The following PDGFC variants were observed in gnomAD, a reference collection of about 807,000 sequenced individuals.
PDGFC encodes platelet-derived growth factor C.
A neutral mutation model predicts 35.5 loss-of-function variants in PDGFC; 12 were observed. That is an observed-to-expected ratio of 0.34 (90% CI 0.22 to 0.55). The LOEUF (loss-of-function observed/expected upper bound fraction) is 0.55, where lower values mean the gene tolerates loss of function less well. Among genes scored for constraint, PDGFC ranks in the 20% least tolerant of loss-of-function variants. The pLI is 0.91. For synonymous variants in PDGFC, 159 were observed against 148.8 expected, an observed-to-expected ratio of 1.07 and a Z score of -0.50; for missense variants, 322 against 412.4, an observed-to-expected ratio of 0.78 and a Z score of 1.90.
At chr4:156,962,358 T>C (rs755752908) in intron 1 of PDGFC, among the ~76,000 whole-genome samples, 4 of 152,124 alleles carry the variant, frequency 2.6e-5, no homozygotes, top group South Asian at 4.1e-4. Flanking sequence ...TCACCTCCTC[T>C]GTGGGAACTT....
chr4:156,956,296 A>G (rs1386206768), intron 1 of PDGFC, among the ~76,000 whole-genome samples: 1 of 152,072 alleles, frequency 6.6e-6, no homozygotes, highest in East Asian at 1.9e-4. Flanking sequence ...GAGAACAACA[A>G]TGTAGACTTT....
chr4:156,957,040 G>C (rs1284037838), intron 1 of PDGFC, among the ~76,000 whole-genome samples: 1 of 151,792 alleles, frequency 6.6e-6, no homozygotes, highest in Non-Finnish European at 1.5e-5. Context: ...TTATCTCAAG[G>C]ATCACTTCCT....
intron 1 of PDGFC, 129 bp from the exon 2 acceptor site, chr4:156,850,545 T>C: frequency 2.1e-6 from 1 of 475,900 alleles, no homozygotes. Flanking sequence ...ATATGCCAAA[T>C]ACCACTCTTT....
chr4:156,903,102 A>AGTGTGTGT (rs1426636075), intron 1 of PDGFC, among the ~76,000 whole-genome samples: 1 of 88,294 alleles, frequency 1.1e-5, no homozygotes. Context: ...AGAGAGAGAG[A>AGTGTGTGT]GAGTGTGTGT....
At chr4:156,798,399 C>T (rs1455335853) in intron 3 of PDGFC, among the ~76,000 whole-genome samples, 5 of 152,138 alleles carry the variant, frequency 3.3e-5, no homozygotes, top group African/African-American at 4.8e-5. Flanking sequence ...TATGCCATTG[C>T]TCTTAATGCC....
At chr4:156,827,847 C>G (rs74491724) in intron 2 of PDGFC, among the ~76,000 whole-genome samples, 9,045 of 152,218 alleles carry the variant, frequency 0.059, 891 homozygotes, top group African/African-American at 0.21. Context: ...CAATCCATGG[C>G]AACCAACTAT....
At chr4:156,935,146 C>T (rs534743922) in intron 1 of PDGFC, among the ~76,000 whole-genome samples, 1 of 152,148 alleles carries the variant, frequency 6.6e-6, no homozygotes, top group African/African-American at 2.4e-5. Context: ...TACAGGCGTG[C>T]ACCACCACGC....
intron 2 of PDGFC, among the ~76,000 whole-genome samples, chr4:156,838,078 G>T (rs1729106233): frequency 6.6e-6 from 1 of 152,098 alleles, no homozygotes; most frequent in South Asian, 2.1e-4. Flanking sequence ...TTGCTGGAAA[G>T]GGCATTGGCA....
intron 3 of PDGFC, among the ~76,000 whole-genome samples, chr4:156,784,806 C>T (rs1731078033): frequency 6.6e-6 from 1 of 152,070 alleles, no homozygotes; most frequent in Non-Finnish European, 1.5e-5. Context: ...TTCTGTAAGA[C>T]AATTCAACAA....
chr4:156,825,551 AAATAAT>A (rs565531965), intron 2 of PDGFC, among the ~76,000 whole-genome samples: 1,735 of 93,768 alleles, frequency 0.019, 24 homozygotes, highest in South Asian at 0.03. Context: ...CCCTGTCTCC[AAATAAT>A]AATAATAATA....
chr4:156,889,066 A>G (rs1442344206), intron 1 of PDGFC, among the ~76,000 whole-genome samples: 1 of 152,228 alleles, frequency 6.6e-6, no homozygotes, highest in African/African-American at 2.4e-5. Context: ...TGAAGAATTC[A>G]GACACCATTA....
At chr4:156,935,735 A>G (rs554658836) in intron 1 of PDGFC, among the ~76,000 whole-genome samples, 2 of 152,308 alleles carry the variant, frequency 1.3e-5, no homozygotes, top group South Asian at 4.1e-4. Flanking sequence ...CAGGAACCTA[A>G]TCTTGTAAGA....
intron 1 of PDGFC, among the ~76,000 whole-genome samples, chr4:156,893,372 C>T (rs1271020442): frequency 1.3e-5 from 2 of 151,332 alleles, no homozygotes; most frequent in Non-Finnish European, 2.9e-5. Context: ...CTTGGTCTGT[C>T]ACCTAGGCTG....
chr4:156,915,622 A>C (rs1034103399), intron 1 of PDGFC, among the ~76,000 whole-genome samples: 4 of 151,992 alleles, frequency 2.6e-5, no homozygotes, highest in African/African-American at 9.7e-5. Flanking sequence ...GTGAAAACTC[A>C]TTTCTACTAA....
intron 1 of PDGFC, among the ~76,000 whole-genome samples, chr4:156,903,085 A>AAG (rs537862051): frequency 0.018 from 2,535 of 137,514 alleles, 66 homozygotes; most frequent in African/African-American, 0.059. Context: ...AATAAGGACA[A>AAG]AGAGAGAGAG....
intron 1 of PDGFC, among the ~76,000 whole-genome samples, chr4:156,922,358 T>C (rs999222059): frequency 1.3e-5 from 2 of 152,208 alleles, no homozygotes; most frequent in African/African-American, 2.4e-5. Flanking sequence ...GGCTAACATA[T>C]GCTAAGTACT....
chr4:156,819,790 G>T (rs561039981), intron 2 of PDGFC, among the ~76,000 whole-genome samples: 8 of 152,312 alleles, frequency 5.3e-5, no homozygotes, highest in African/African-American at 1.9e-4. Context: ...GGTAATAGCT[G>T]CCATGGATAG....
chr4:156,921,084 C>A (rs1477463572), intron 1 of PDGFC, among the ~76,000 whole-genome samples: 1 of 152,112 alleles, frequency 6.6e-6, no homozygotes, highest in African/African-American at 2.4e-5. Context: ...TATAAAGGAG[C>A]AGTCAAAAAA....
In PDGFC at chr4:156,767,937, G is replaced by C; in HGVS notation, c.757C>G (p.Arg253Gly). ...EEVRLYSCTP[R>G]NFSVSIREEL... ...TCCCTTATGGACACTGAGAAGTTAC[G>C]AGGTGTGCAGCTGTATAATCTTACC... The change falls in exon 5 of 6, where the codon CGT (arginine) becomes GGT (glycine). Residue 253 changes from arginine to glycine, a missense_variant. Arg to Gly is a moderately radical substitution (Grantham distance 125). Around this residue, in one of 2 missense-constraint regions of PDGFC, gnomAD observed 202 missense variants for 295.9 expected, o/e 0.68. Transcript: ENST00000502773. The C allele has an allele frequency of 6.2e-7, 1 of 1,612,534 alleles. No homozygotes were observed. The highest frequency in any genetic ancestry group is 2.2e-5 in the East Asian group (1 of 44,852).
Sources: allele counts gnomAD v4.1 joint callset (sites outside exome capture counted in the v4.1 genomes callset), GRCh38; gene constraint gnomAD v4.1.1; regional missense constraint gnomAD v4.1.1; transcripts MANE v1.5; gene names NCBI Gene and HGNC (gene_info 2026-07-23, HGNC 2026-07-21).